Variants in FUT8 observed in about 807,000 individuals in gnomAD.
FUT8 encodes the protein fucosyltransferase 8, also known as alpha-(1,6)-fucosyltransferase.
FUT8 carries 29 observed loss-of-function variants against 71.3 expected under a neutral mutation model. That is an observed-to-expected ratio of 0.41 (90% CI 0.30 to 0.55). The LOEUF is 0.55. FUT8 is among the 20% of genes least tolerant of loss of function. FUT8 has a pLI of 0.34. For synonymous variants in FUT8, 254 were observed against 239.3 expected (o/e 1.06, Z -0.57); for missense variants, 544 against 702.1 (o/e 0.77, Z 2.55).
chr14:65,506,707 G>A (rs537983960), intron 2 of FUT8, among the ~76,000 whole-genome samples: 4 of 152,214 alleles, frequency 2.6e-5, no homozygotes, highest in South Asian at 2.1e-4. Context: ...TGACACAGGC[G>A]TGCAATGTGT....
the FUT8 span, among the ~76,000 whole-genome samples, chr14:65,378,260 A>AG: frequency 7.2e-5 from 11 of 152,140 alleles, no homozygotes; most frequent in South Asian, 8.3e-4. Context: ...GCTAAGAAAG[A>AG]GGTTGAGAGA....
intron 2 of FUT8, among the ~76,000 whole-genome samples, chr14:65,521,504 A>G (rs1254796157): frequency 2.0e-5 from 3 of 152,164 alleles, no homozygotes; most frequent in Non-Finnish European, 2.9e-5. Context: ...TTTATATAGA[A>G]TGGTCAGGGA....
intron 3 of FUT8, among the ~76,000 whole-genome samples, chr14:65,566,465 G>A (rs1886200741): frequency 6.6e-6 from 1 of 151,970 alleles, no homozygotes; most frequent in African/African-American, 2.4e-5. Context: ...ATCATGGTGG[G>A]CTTATATAGC....
At chr14:65,564,399 C>T (rs903629352) in intron 3 of FUT8, among the ~76,000 whole-genome samples, 20 of 151,906 alleles carry the variant, frequency 1.3e-4, no homozygotes, top group Admixed American at 1.2e-3. Context: ...ACAAATCTTT[C>T]GGCTAGAATT....
the FUT8 span, among the ~76,000 whole-genome samples, chr14:65,402,519 T>A: frequency 0.026 from 3,862 of 151,274 alleles, 74 homozygotes; most frequent in African/African-American, 0.05. Context: ...ATACAAAAAA[T>A]TAGCTGGGCG....
chr14:65,416,630 C>A (rs1392473887), intron 1 of FUT8, among the ~76,000 whole-genome samples: 2 of 151,970 alleles, frequency 1.3e-5, no homozygotes, highest in Non-Finnish European at 2.9e-5. Context: ...TTTTACATTG[C>A]AGCTTGTTAT....
At chr14:65,667,623 T>A (rs1398611636) in intron 6 of FUT8, among the ~76,000 whole-genome samples, 1 of 152,168 alleles carries the variant, frequency 6.6e-6, no homozygotes, top group African/African-American at 2.4e-5. Context: ...GATTCTATGC[T>A]ATTCCCATCA....
chr14:65,658,301 A>G (rs1244863478), intron 6 of FUT8, among the ~76,000 whole-genome samples: 4 of 152,200 alleles, frequency 2.6e-5, no homozygotes, highest in Non-Finnish European at 5.9e-5. Flanking sequence ...AAAAATGCCA[A>G]GAATGTGGAA....
At chr14:65,605,498 T>G (rs1206159797) in intron 3 of FUT8, among the ~76,000 whole-genome samples, 4 of 151,890 alleles carry the variant, frequency 2.6e-5, no homozygotes, top group African/African-American at 7.2e-5. Flanking sequence ...AGGGGTAATT[T>G]GGGCAAACAA....
chr14:65,664,843 C>T (rs995660771), intron 6 of FUT8, among the ~76,000 whole-genome samples: 1 of 152,118 alleles, frequency 6.6e-6, no homozygotes, highest in African/African-American at 2.4e-5. Flanking sequence ...AATTACCCGT[C>T]CTCTCTCTTG....
At chr14:65,630,487 A>G (rs1366538545) in intron 6 of FUT8, among the ~76,000 whole-genome samples, 1 of 152,202 alleles carries the variant, frequency 6.6e-6, no homozygotes, top group Admixed American at 6.5e-5. Context: ...TGTTTTACAT[A>G]CAAAAGTGGT....
At chr14:65,466,632 C>G (rs1273676570) in intron 2 of FUT8, among the ~76,000 whole-genome samples, 1 of 152,082 alleles carries the variant, frequency 6.6e-6, no homozygotes, top group Non-Finnish European at 1.5e-5. Context: ...CGCCTGTAAT[C>G]CCAGCTACTC....
Position 65,613,957 on chromosome 14 carries a change from T to TA in FUT8, c.204-2014dup, listed in dbSNP as rs1193456299. 2.6e-5 allele frequency among the ~76,000 whole-genome samples: 4 copies of TA among 151,852 alleles called. No homozygotes were observed. In the South Asian group the frequency reaches 6.3e-4, roughly 24 times the overall value. ...TGAAACCCCGTCTCTACTAAAAATG[T>TA]AAAAAAATTAGCCAGGGATGGTGGT... is the stretch of plus-strand genomic sequence containing the variant. On this transcript the variant is annotated intron_variant, in intron 3 of 10. Transcript: ENST00000673929.
intron 6 of FUT8, among the ~76,000 whole-genome samples, chr14:65,630,319 T>C (rs935103707): frequency 6.6e-6 from 1 of 152,218 alleles, no homozygotes; most frequent in African/African-American, 2.4e-5. Flanking sequence ...CCCTTTAAAA[T>C]TAATTTCACT....
chr14:65,407,935 C>A (rs2065093850), upstream of FUT8, among the ~76,000 whole-genome samples: 1 of 152,140 alleles, frequency 6.6e-6, no homozygotes, highest in African/African-American at 2.4e-5. Context: ...AGAACTCCTT[C>A]CCCCAGATAT....
chr14:65,597,806 A>G (rs779224226), intron 3 of FUT8, among the ~76,000 whole-genome samples: 20 of 152,134 alleles, frequency 1.3e-4, no homozygotes, highest in Non-Finnish European at 2.1e-4. Context: ...CAACTAAATC[A>G]GTTTAACATT....
chr14:65,502,743 A>G (rs889587894), intron 2 of FUT8, among the ~76,000 whole-genome samples: 21 of 152,150 alleles, frequency 1.4e-4, no homozygotes, highest in African/African-American at 4.1e-4. Context: ...GTGGTAACCA[A>G]CCTCTGAAAA....
chr14:65,655,576 A>G (rs75039133), intron 6 of FUT8, among the ~76,000 whole-genome samples: 3,810 of 152,274 alleles, frequency 0.025, 151 homozygotes, highest in African/African-American at 0.087. Context: ...TATAACGATA[A>G]TAAAATGATC....
intron 7 of FUT8, among the ~76,000 whole-genome samples, chr14:65,675,288 A>G (rs1024046228): frequency 1.3e-5 from 2 of 152,218 alleles, no homozygotes; most frequent in Non-Finnish European, 2.9e-5. Flanking sequence ...AGTGCTTCTC[A>G]GATTGAGTTG....
Sources: allele counts gnomAD v4.1 joint callset (sites outside exome capture counted in the v4.1 genomes callset), GRCh38; gene constraint gnomAD v4.1.1; transcripts MANE v1.5; gene names NCBI Gene and HGNC (gene_info 2026-07-23, HGNC 2026-07-21).